BLTP3A: variants seen among roughly 807,000 people sequenced by gnomAD.
BLTP3A encodes bridge-like lipid transfer protein family member 3A.
chr6:34,863,956 T>A, the BLTP3A span: 2 of 1,524,640 alleles, frequency 1.3e-6, no homozygotes, highest in African/African-American at 2.8e-5. Context: ...GGAATAAACA[T>A]GTCTCCAAAG....
chr6:34,794,312 T>C, the BLTP3A span, among the ~76,000 whole-genome samples: 1 of 151,628 alleles, frequency 6.6e-6, no homozygotes, highest in Non-Finnish European at 1.5e-5. Flanking sequence ...CCCATAAATA[T>C]ATACACTACT....
the BLTP3A span, chr6:34,823,133 G>T: frequency 1.3e-6 from 1 of 745,728 alleles, no homozygotes; most frequent in Non-Finnish European, 2.4e-6. Flanking sequence ...TTTATTGTCT[G>T]CCCACAATGG....
the BLTP3A span, among the ~76,000 whole-genome samples, chr6:34,794,805 A>T: frequency 1.3e-3 from 180 of 143,564 alleles, no homozygotes; most frequent in Non-Finnish European, 1.7e-4. Flanking sequence ...TTTTTTTTTG[A>T]GACGGAGTCT....
chr6:34,834,390 A>G, the BLTP3A span: 1 of 1,613,150 alleles, frequency 6.2e-7, no homozygotes, highest in African/African-American at 1.3e-5. Context: ...CGCATCACTG[A>G]CCCCTGCCGA....
the BLTP3A span, among the ~76,000 whole-genome samples, chr6:34,826,664 C>T: frequency 3.3e-5 from 5 of 152,118 alleles, no homozygotes; most frequent in East Asian, 1.9e-4. Flanking sequence ...GGCTTTACAT[C>T]GTACATTTAC....
the BLTP3A span, among the ~76,000 whole-genome samples, chr6:34,796,772 C>T: frequency 2.0e-5 from 3 of 152,072 alleles, no homozygotes; most frequent in Non-Finnish European, 4.4e-5. Context: ...GGTGCAATCT[C>T]GGTTCATTGC....
the BLTP3A span, among the ~76,000 whole-genome samples, chr6:34,842,871 C>T: frequency 2.6e-5 from 4 of 152,124 alleles, no homozygotes. Flanking sequence ...AGGTGGCTTG[C>T]AACTGCCTGT....
the BLTP3A span, among the ~76,000 whole-genome samples, chr6:34,833,667 G>A: frequency 6.6e-6 from 1 of 151,832 alleles, no homozygotes; most frequent in African/African-American, 2.4e-5. Context: ...GGTGGCTCAC[G>A]CCTGTAATCC....
At chr6:34,855,546 T>C in the BLTP3A span, 6 of 1,570,268 alleles carry the variant, frequency 3.8e-6, no homozygotes, top group Admixed American at 5.1e-5. Context: ...AGAGGACTTC[T>C]GCATGCTTTA....
the BLTP3A span, among the ~76,000 whole-genome samples, chr6:34,865,363 A>G: frequency 1.6e-4 from 24 of 152,284 alleles, 1 homozygote; most frequent in South Asian, 1.9e-3. Context: ...CGTTATCACA[A>G]ATGACAGGAT....
the BLTP3A span, among the ~76,000 whole-genome samples, chr6:34,848,539 G>C: frequency 6.6e-6 from 1 of 151,384 alleles, no homozygotes; most frequent in Admixed American, 6.6e-5. Flanking sequence ...CCGGGAGGTG[G>C]AGGTTGCAGT....
the BLTP3A span, among the ~76,000 whole-genome samples, chr6:34,805,587 G>T: frequency 8.3e-6 from 1 of 120,972 alleles, no homozygotes; most frequent in African/African-American, 3.8e-5. Flanking sequence ...AAGGCGACTT[G>T]GTCTCAAAAA....
the BLTP3A span, among the ~76,000 whole-genome samples, chr6:34,861,856 G>T: frequency 6.6e-6 from 1 of 152,152 alleles, no homozygotes; most frequent in African/African-American, 2.4e-5. Flanking sequence ...AAGCACTAGG[G>T]TTATAAGCAT....
At chr6:34,851,580 G>C in the BLTP3A span, among the ~76,000 whole-genome samples, 1 of 152,202 alleles carries the variant, frequency 6.6e-6, no homozygotes. Flanking sequence ...TAGATGTGAA[G>C]CCAGCACTGT....
chr6:34,808,226 C>T, the BLTP3A span, among the ~76,000 whole-genome samples: 243 of 151,016 alleles, frequency 1.6e-3, 1 homozygote, highest in Admixed American at 2.4e-3. Context: ...ACCTGTAATC[C>T]TAGCTACTCT....
At chr6:34,807,319 C>T in the BLTP3A span, among the ~76,000 whole-genome samples, 5,398 of 148,838 alleles carry the variant, frequency 0.036, 163 homozygotes, top group Non-Finnish European at 0.057. Context: ...CAAATGAAAG[C>T]GGGTAGAGGG....
chr6:34,858,499 A>G, the BLTP3A span: 22 of 1,614,098 alleles, frequency 1.4e-5, no homozygotes, highest in Non-Finnish European at 1.9e-5. Flanking sequence ...CAAAGGCCAT[A>G]CCTTGAATTT....
At chr6:34,824,415 G>A in the BLTP3A span, among the ~76,000 whole-genome samples, 29 of 151,170 alleles carry the variant, frequency 1.9e-4, no homozygotes, top group Non-Finnish European at 4.4e-5. Flanking sequence ...AAAATTAGCC[G>A]GGCGTGGTGG....
chr6:34,830,972 A>C, the BLTP3A span, among the ~76,000 whole-genome samples: 1 of 152,070 alleles, frequency 6.6e-6, no homozygotes. Context: ...TCTTTCATAA[A>C]GCACTTGTGT....
Sources: gnomAD v4.1 joint callset for allele counts (sites outside exome capture counted in the v4.1 genomes callset) on GRCh38, gnomAD v4.1.1 for gene constraint, MANE v1.5 for transcripts, NCBI Gene and HGNC (gene_info 2026-07-23, HGNC 2026-07-21) for gene names.